The following GABRB2 variants were observed in gnomAD, a reference collection of about 807,000 sequenced individuals.
GABRB2 encodes the protein gamma-aminobutyric acid type A receptor subunit beta2.
In GABRB2, 16 loss-of-function variants were observed where a neutral mutation model predicts 54.7. That is an observed-to-expected ratio of 0.29 (90% CI 0.20 to 0.44). The LOEUF (loss-of-function observed/expected upper bound fraction) is 0.44. GABRB2 is among the 20% of genes least tolerant of loss of function. The probability of loss-of-function intolerance (pLI) is 1.00; values close to 1 mark genes in which losing one functional copy is unlikely to be tolerated. For missense variants in GABRB2, 355 were observed against 644.0 expected (o/e 0.55, Z 4.86); for synonymous variants, 244 against 233.8 (o/e 1.04, Z -0.40).
At chr5:161,356,378 G>T (rs1455686127) in intron 5 of GABRB2, among the ~76,000 whole-genome samples, 1 of 152,110 alleles carries the variant, frequency 6.6e-6, no homozygotes, top group Non-Finnish European at 1.5e-5. Flanking sequence ...TGACTATAGT[G>T]GATAAATTCA....
chr5:161,339,969 C>CA (rs1040745607), intron 5 of GABRB2, among the ~76,000 whole-genome samples: 1 of 151,122 alleles, frequency 6.6e-6, no homozygotes, highest in African/African-American at 2.4e-5. Context: ...TTTTTTTTTA[C>CA]AAAAAAATGC....
At position 161,303,610 on chromosome 5, in the gene GABRB2, T is replaced by C. The variant is rs376073658; in HGVS notation, c.1192-9182A>G. On this transcript the variant is annotated intron_variant, in intron 9 of 9. Coordinates refer to ENST00000393959, the MANE Select transcript of GABRB2 (RefSeq NM_001371727.1). Reference sequence around the variant, plus strand: ...GAGTACAAAGAGAAGAGTAAGATTTTACTCTTCAAAAGATCCCAGAAGATA... The same window carrying C: ...GAGTACAAAGAGAAGAGTAAGATTTCACTCTTCAAAAGATCCCAGAAGATA... Among the ~76,000 whole-genome samples, 26 of 152,262 alleles carry C rather than the reference T, an allele frequency of 1.7e-4. 1 individual carries two copies. The East Asian group carries it at 4.8e-3, about 28-fold the overall frequency.
intron 5 of GABRB2, among the ~76,000 whole-genome samples, chr5:161,384,790 G>T (rs909592095): frequency 6.6e-6 from 1 of 152,136 alleles, no homozygotes; most frequent in African/African-American, 2.4e-5. Flanking sequence ...GAACCCAACA[G>T]ATGAAATGCT....
chr5:161,463,153 A>G (rs1324480345), intron 3 of GABRB2, among the ~76,000 whole-genome samples: 4 of 152,052 alleles, frequency 2.6e-5, no homozygotes, highest in Non-Finnish European at 2.9e-5. Flanking sequence ...AATTACAACT[A>G]AAAATTCTGG....
chr5:161,466,138 G>T (rs1758269712), intron 3 of GABRB2, among the ~76,000 whole-genome samples: 1 of 151,972 alleles, frequency 6.6e-6, no homozygotes, highest in African/African-American at 2.4e-5. Context: ...GTGTGCTTAT[G>T]ATTAGATTGA....
intron 3 of GABRB2, among the ~76,000 whole-genome samples, chr5:161,471,886 C>T (rs1758450523): frequency 1.3e-5 from 2 of 151,908 alleles, no homozygotes; most frequent in South Asian, 4.2e-4. Context: ...TTAGTCTGTA[C>T]CCAATGTTAA....
intron 3 of GABRB2, among the ~76,000 whole-genome samples, chr5:161,528,534 T>C (rs961481489): frequency 1.3e-5 from 2 of 151,804 alleles, no homozygotes; most frequent in Non-Finnish European, 3.0e-5. Flanking sequence ...ATATCATCAG[T>C]GACAAATTCA....
chr5:161,305,539 G>C (rs2113353406), intron 9 of GABRB2, among the ~76,000 whole-genome samples: 1 of 152,252 alleles, frequency 6.6e-6, no homozygotes, highest in African/African-American at 2.4e-5. Flanking sequence ...CATCCTGACA[G>C]GTGAAGGCTT....
At chr5:161,423,052 T>A (rs956011240) in intron 4 of GABRB2, among the ~76,000 whole-genome samples, 7 of 152,176 alleles carry the variant, frequency 4.6e-5, no homozygotes, top group Non-Finnish European at 7.4e-5. Context: ...AAAGCTATGA[T>A]TACCAGGAAG....
intron 4 of GABRB2, among the ~76,000 whole-genome samples, chr5:161,444,135 T>C (rs928220385): frequency 6.6e-6 from 1 of 152,150 alleles, no homozygotes; most frequent in African/African-American, 2.4e-5. Flanking sequence ...TTTCCCCAGA[T>C]AGTATTCTCC....
chr5:161,540,512 G>C (rs1224229437), intron 3 of GABRB2, among the ~76,000 whole-genome samples: 1 of 152,090 alleles, frequency 6.6e-6, no homozygotes, highest in Non-Finnish European at 1.5e-5. Context: ...GTTGCTATTT[G>C]AACCTCCTCT....
At chr5:161,433,179 T>C (rs1338902254) in intron 4 of GABRB2, among the ~76,000 whole-genome samples, 1 of 152,200 alleles carries the variant, frequency 6.6e-6, no homozygotes, top group Non-Finnish European at 1.5e-5. Context: ...TATAGATATA[T>C]ACATTGAGAA....
chr5:161,420,692 A>G (rs564973153), intron 4 of GABRB2, among the ~76,000 whole-genome samples: 1 of 152,292 alleles, frequency 6.6e-6, no homozygotes, highest in East Asian at 1.9e-4. Flanking sequence ...TGGGGATTCT[A>G]TCTCTGGGAG....
chr5:161,472,066 A>C (rs2113299858), intron 3 of GABRB2, among the ~76,000 whole-genome samples: 1 of 152,086 alleles, frequency 6.6e-6, no homozygotes, highest in Admixed American at 6.6e-5. Flanking sequence ...AAGAGAGATC[A>C]CAGTTTCTAT....
chr5:161,545,437 TAAAA>T lies in GABRB2; in HGVS notation c.170-147_170-144del, dbSNP rs56952727. 797 of 323,528 alleles carry T rather than the reference TAAAA, an allele frequency of 2.5e-3. 1 individual carries two copies. The highest frequency in any genetic ancestry group is 4.1e-3 in the South Asian group (50 of 12,072). The allele number at this position is 323,528 out of a possible 1,614,324, so 20.0% of individuals were successfully genotyped here. A position where few individuals can be genotyped will look rare whatever the true frequency, so the allele number is the denominator to read the frequency against. ...TTTTTCAATTCTCTGCTTTTTTTGT[TAAAA>T]AAAAAAAAAAAAAAGGTAGCAGGCA... On this transcript the variant is annotated intron_variant, in intron 2 of 9. Coordinates refer to ENST00000393959, the MANE Select transcript of GABRB2 (RefSeq NM_001371727.1).
intron 9 of GABRB2, among the ~76,000 whole-genome samples, chr5:161,305,001 ATTTTTTTTTTTTTTT>A (rs544511446): frequency 1.1e-5 from 1 of 95,142 alleles, no homozygotes; most frequent in Non-Finnish European, 2.0e-5. Context: ...TGATATATCA[ATTTTTTTTTTTTTTT>A]TTTTTTTTTT....
intron 1 of GABRB2, 77 bp from the exon 2 acceptor site, chr5:161,546,490 A>T: frequency 2.5e-6 from 4 of 1,570,064 alleles, no homozygotes; most frequent in Non-Finnish European, 3.5e-6. Flanking sequence ...TCCCTACTAC[A>T]TTTCCCTGCT....
At chr5:161,403,239 G>T (rs571230903) in intron 5 of GABRB2, among the ~76,000 whole-genome samples, 2 of 152,136 alleles carry the variant, frequency 1.3e-5, no homozygotes, top group African/African-American at 4.8e-5. Flanking sequence ...TAAATAGAGG[G>T]GAAAAAATGA....
chr5:161,441,978 G>A (rs1218706002), intron 4 of GABRB2, among the ~76,000 whole-genome samples: 1 of 152,166 alleles, frequency 6.6e-6, no homozygotes, highest in African/African-American at 2.4e-5. Context: ...GCTAACTGGG[G>A]TGGGAGGAGG....
Sources: allele counts gnomAD v4.1 joint callset (sites outside exome capture counted in the v4.1 genomes callset), GRCh38; gene constraint gnomAD v4.1.1; transcripts MANE v1.5; gene names NCBI Gene and HGNC (gene_info 2026-07-23, HGNC 2026-07-21).